SLN: variants seen among roughly 807,000 people sequenced by gnomAD.
SLN encodes the protein sarcolipin.
For synonymous variants in SLN, 19 were observed against 14.4 expected, an observed-to-expected ratio of 1.32 and a Z score of -0.72; for missense variants, 34 against 37.4, an observed-to-expected ratio of 0.91 and a Z score of 0.24.
rs1040700772 is a variant in SLN, at chr11:107,708,054, G to A, written c.-75-49C>T. The stretch of plus-strand genomic sequence containing the variant: ...CACAAGGAGATTAATGGGCATTCCT[G>A]TATAACAATGCTCGTTCTTTCCTCA... On this transcript the variant is annotated intron_variant, in intron 1 of 1. Transcript: ENST00000305991. 11 of 701,750 alleles carry A rather than the reference G, an allele frequency of 1.6e-5. No homozygotes were observed. The African/African-American group carries it at 1.8e-4, about 11-fold the overall frequency. The allele number at this position is 701,750 out of a possible 1,614,324, so 43.5% of individuals were successfully genotyped here.
At chr11:107,709,571 G>T (rs1867189962) in intron 1 of SLN, among the ~76,000 whole-genome samples, 1 of 152,172 alleles carries the variant, frequency 6.6e-6, no homozygotes, top group African/African-American at 2.4e-5. Context: ...GTTCAGCCAG[G>T]CATGGCAGTC....
At chr11:107,710,465 A>G (rs925640896) in intron 1 of SLN, among the ~76,000 whole-genome samples, 5 of 152,184 alleles carry the variant, frequency 3.3e-5, no homozygotes, top group Admixed American at 6.5e-5. Flanking sequence ...TATCTTTCTC[A>G]AGATTACAGC....
intron 1 of SLN, among the ~76,000 whole-genome samples, 172 bp downstream of exon 1, chr11:107,711,791 G>GA (rs903224731): frequency 9.3e-5 from 14 of 149,938 alleles, no homozygotes; most frequent in African/African-American, 2.7e-4. Flanking sequence ...ACCCTTAGGA[G>GA]AAAAAAAAAG....
intron 1 of SLN, among the ~76,000 whole-genome samples, chr11:107,710,317 A>G (rs1435410253): frequency 4.6e-5 from 7 of 152,360 alleles, no homozygotes; most frequent in African/African-American, 7.2e-5. Context: ...TATTAAATTA[A>G]GCTGTTAAGT....
intron 1 of SLN, among the ~76,000 whole-genome samples, chr11:107,709,105 A>G (rs1439332054): frequency 6.6e-6 from 1 of 152,212 alleles, no homozygotes; most frequent in Middle Eastern, 3.2e-3. Context: ...GATTGTAAAC[A>G]TTTCAAAGAG....
Position 107,707,469 on chromosome 11 carries a change from T to G in SLN, c.*366A>C. ...TTCCTTCTGGCAGGTTGAATTAGAGTTTGGTTGCAGACCGTGTGGGTTGAA... is the reference window on the plus strand; with the variant it reads ...TTCCTTCTGGCAGGTTGAATTAGAGGTTGGTTGCAGACCGTGTGGGTTGAA... On this transcript the variant is annotated 3_prime_UTR_variant, in exon 2 of 2. Transcript: ENST00000305991. 1 of 173,188 alleles carries G rather than the reference T, an allele frequency of 5.8e-6. No individual in the cohort carries two copies. Among genetic ancestry groups the G allele is most frequent in the Non-Finnish European group, 1.2e-5 (1 of 82,106 alleles). 10.7% of individuals were successfully genotyped at this position (173,188 alleles called of 1,614,324 possible).
At chr11:107,708,727 T>C (rs1867180502) in intron 1 of SLN, among the ~76,000 whole-genome samples, 1 of 152,216 alleles carries the variant, frequency 6.6e-6, no homozygotes, top group African/African-American at 2.4e-5. Flanking sequence ...TCTGTGTGTG[T>C]TTGCGTGTGT....
intron 1 of SLN, among the ~76,000 whole-genome samples, chr11:107,709,409 TG>T: frequency 6.6e-6 from 1 of 152,356 alleles, no homozygotes; most frequent in East Asian, 1.9e-4. Flanking sequence ...AGCAAGCTTT[TG>T]GTCTGAGTGG....
chr11:107,711,482 T>TCATTA (rs1867209095), intron 1 of SLN, among the ~76,000 whole-genome samples: 1 of 152,176 alleles, frequency 6.6e-6, no homozygotes, highest in Admixed American at 6.5e-5. Flanking sequence ...TTTATACACT[T>TCATTA]TAGGAAGAAT....
At chr11:107,711,582 C>T (rs1235350839) in intron 1 of SLN, among the ~76,000 whole-genome samples, 1 of 152,002 alleles carries the variant, frequency 6.6e-6, no homozygotes, top group Non-Finnish European at 1.5e-5. Context: ...TTAAACATTC[C>T]CTGAAGTCAA....
chr11:107,709,269 A>AT (rs1016605315), intron 1 of SLN, among the ~76,000 whole-genome samples: 9 of 152,230 alleles, frequency 5.9e-5, no homozygotes, highest in African/African-American at 9.6e-5. Context: ...AGATTTATAT[A>AT]TTTTAGATAA....
intron 1 of SLN, among the ~76,000 whole-genome samples, chr11:107,711,048 C>T (rs910243267): frequency 6.6e-6 from 1 of 152,110 alleles, no homozygotes; most frequent in African/African-American, 2.4e-5. Context: ...TTTAGGCATG[C>T]AGACATAGAT....
At chr11:107,709,138 T>C (rs1175223006) in intron 1 of SLN, among the ~76,000 whole-genome samples, 1 of 152,254 alleles carries the variant, frequency 6.6e-6, no homozygotes, top group Non-Finnish European at 1.5e-5. Flanking sequence ...CTTCATAGTA[T>C]GTACAGATTG....
intron 1 of SLN, 129 bp from the exon 2 acceptor site, chr11:107,708,134 C>T: frequency 1.7e-6 from 1 of 579,178 alleles, no homozygotes; most frequent in East Asian, 2.9e-5. Context: ...ATTGTGTCCC[C>T]CAAAAATCTA....
rs888314727 is a variant in SLN at position 107,707,847 on chromosome 11, G to C, written c.84C>G (p.Ser28=). The C allele has an allele frequency of 6.2e-7, 1 of 1,612,842 alleles. No homozygotes were observed. The highest frequency in any genetic ancestry group is 8.5e-7 in the Non-Finnish European group (1 of 1,179,066). The part of the protein sequence containing the change: ...TVILMWLLVR[S]YQY ...ATGGCATGGCCTCTCAGTACTGATA[G>C]GACCTCACAAGGAGCCACATAAGAA... Residue 28 remains serine, a synonymous_variant, in exon 2 of 2, where the codon TCC becomes TCG. Coordinates refer to ENST00000305991, the MANE Select transcript of SLN (RefSeq NM_003063.3).
chr11:107,711,749 AT>A (rs930449973), intron 1 of SLN, among the ~76,000 whole-genome samples: 7 of 151,774 alleles, frequency 4.6e-5, no homozygotes, highest in South Asian at 2.1e-4. Flanking sequence ...AAGAAAAAAA[AT>A]TTTTTTTTAC....
intron 1 of SLN, among the ~76,000 whole-genome samples, 151 bp from the exon 2 acceptor site, chr11:107,708,156 C>T (rs1188373262): frequency 6.6e-6 from 1 of 152,018 alleles, no homozygotes; most frequent in African/African-American, 2.4e-5. Flanking sequence ...ATGTCAAAGC[C>T]CTAGCTCACA....
At chr11:107,708,853 A>G (rs563926881) in intron 1 of SLN, among the ~76,000 whole-genome samples, 3 of 152,336 alleles carry the variant, frequency 2.0e-5, no homozygotes, top group East Asian at 1.9e-4. Context: ...GTGGGATGCC[A>G]TAATCTTTCA....
At chr11:107,708,200 G>A (rs980363523) in intron 1 of SLN, among the ~76,000 whole-genome samples, 195 bp from the exon 2 acceptor site, 3 of 152,100 alleles carry the variant, frequency 2.0e-5, no homozygotes, top group Admixed American at 1.3e-4. Flanking sequence ...TGAAGATAGG[G>A]TCTTTTAAGA....
Sources: allele counts gnomAD v4.1 joint callset (sites outside exome capture counted in the v4.1 genomes callset), GRCh38; gene constraint gnomAD v4.1.1; transcripts MANE v1.5; gene names NCBI Gene and HGNC (gene_info 2026-07-23, HGNC 2026-07-21).